The following TALDO1 variants were observed in gnomAD, a reference collection of about 807,000 sequenced individuals.
The protein encoded by TALDO1 is transaldolase.
A neutral mutation model predicts 38.1 loss-of-function variants in TALDO1; 29 were observed. That is an observed-to-expected ratio of 0.76 (90% CI 0.57 to 1.04). The LOEUF is 1.04. Ranked by LOEUF, TALDO1 falls within the 50% of genes least tolerant of loss-of-function variation. The pLI is 0.00. For missense variants in TALDO1, 499 were observed against 438.1 expected, an observed-to-expected ratio of 1.14 and a Z score of -1.24; for synonymous variants, 207 against 176.8, an observed-to-expected ratio of 1.17 and a Z score of -1.36.
intron 4 of TALDO1, among the ~76,000 whole-genome samples, chr11:762,416 T>C (rs1347562944): frequency 6.6e-6 from 1 of 151,796 alleles, no homozygotes; most frequent in East Asian, 1.9e-4. Flanking sequence ...TGATGTATGC[T>C]GCTGCTCTGA....
intron 4 of TALDO1, among the ~76,000 whole-genome samples, chr11:761,440 C>T (rs1862922772): frequency 1.3e-5 from 2 of 151,812 alleles, no homozygotes; most frequent in African/African-American, 4.8e-5. Context: ...AGTTGAGGTT[C>T]CAGTAGCTAT....
At chr11:751,396 C>T (rs762226423) in intron 1 of TALDO1, among the ~76,000 whole-genome samples, 2 of 152,104 alleles carry the variant, frequency 1.3e-5, no homozygotes, top group African/African-American at 4.8e-5. Context: ...GGGCCAGCCT[C>T]GGTGGCTCAT....
intron 1 of TALDO1, among the ~76,000 whole-genome samples, chr11:752,756 A>G (rs891803404): frequency 6.6e-6 from 1 of 152,146 alleles, no homozygotes; most frequent in Non-Finnish European, 1.5e-5. Context: ...CATGTAAGTG[A>G]GTGTTTCCCT....
At chr11:756,123 C>G (rs1703936479) in intron 2 of TALDO1, 121 bp downstream of exon 2, 2 of 1,405,588 alleles carry the variant, frequency 1.4e-6, no homozygotes, top group Non-Finnish European at 1.9e-6. Context: ...GGAAAAAAAC[C>G]CTATCTTTTT....
At chr11:755,588 C>T (rs777901388) in intron 1 of TALDO1, among the ~76,000 whole-genome samples, 4 of 152,156 alleles carry the variant, frequency 2.6e-5, no homozygotes, top group Non-Finnish European at 5.9e-5. Flanking sequence ...CTTTGACCAG[C>T]GTTCTCCCAG....
In TALDO1 at chr11:749,036, T is replaced by C. The variant is rs181382219; in HGVS notation, c.97+1458T>C. 7.2e-4 allele frequency among the ~76,000 whole-genome samples: 109 copies of C among 152,228 alleles called. No individual in the cohort carries two copies. In the Middle Eastern group the frequency reaches 0.017, roughly 24 times the overall value. On this transcript the variant is annotated intron_variant, in intron 1 of 7. Coordinates refer to ENST00000319006, the MANE Select transcript of TALDO1 (RefSeq NM_006755.2). ...CTTGGCAGTGCAGGGCCAATAAAGA[T>C]GGATTTTCCTAAACCCACACCCACA...
At chr11:755,014 C>G (rs893371478) in intron 1 of TALDO1, among the ~76,000 whole-genome samples, 1 of 152,146 alleles carries the variant, frequency 6.6e-6, no homozygotes. Flanking sequence ...AAAGTTGCAG[C>G]AGTGCGGTTC....
chr11:748,921 TGCCTGGTGGACAGAGC>T (rs1366775860), intron 1 of TALDO1, among the ~76,000 whole-genome samples: 1 of 152,234 alleles, frequency 6.6e-6, no homozygotes, highest in African/African-American at 2.4e-5. Flanking sequence ...ATTTGCAGTT[TGCCTGGTGGACAGAGC>T]GCTCATCTGT....
intron 7 of TALDO1, 128 bp downstream of exon 7, chr11:764,561 C>G: frequency 6.8e-7 from 1 of 1,478,424 alleles, no homozygotes. Flanking sequence ...TGCTGTCCAG[C>G]AAGTGGGGCC....
At chr11:749,081 G>C (rs1862706875) in intron 1 of TALDO1, among the ~76,000 whole-genome samples, 1 of 152,106 alleles carries the variant, frequency 6.6e-6, no homozygotes, top group Admixed American at 6.6e-5. Flanking sequence ...GGGAGTCCTG[G>C]GTTTCTGGTT....
chr11:761,335 C>CA (rs71022968), intron 4 of TALDO1, among the ~76,000 whole-genome samples: 21,104 of 81,732 alleles, frequency 0.26, 2,270 homozygotes, highest in African/African-American at 0.39. Context: ...GACTCCATCT[C>CA]AAAAAAAAAA....
intron 4 of TALDO1, among the ~76,000 whole-genome samples, chr11:762,993 C>T (rs1399917077): frequency 1.3e-5 from 2 of 152,276 alleles, no homozygotes; most frequent in East Asian, 3.9e-4. Context: ...GAGGGCCTCC[C>T]TTGCCTTTGT....
At chr11:763,725 T>G in intron 5 of TALDO1, 22 bp from the exon 6 acceptor site, 1 of 1,613,562 alleles carries the variant, frequency 6.2e-7, no homozygotes. Context: ...GCCTTCCTGG[T>G]CACAGCTTGG....
At chr11:754,236 T>C (rs1862796642) in intron 1 of TALDO1, among the ~76,000 whole-genome samples, 1 of 151,852 alleles carries the variant, frequency 6.6e-6, no homozygotes, top group South Asian at 2.1e-4. Flanking sequence ...CCACCCCCGT[T>C]GGCCTCCCAA....
At chr11:747,822 T>C (rs904870986) in intron 1 of TALDO1, among the ~76,000 whole-genome samples, 1 of 150,238 alleles carries the variant, frequency 6.7e-6, no homozygotes, top group Non-Finnish European at 1.5e-5. Flanking sequence ...GGGGCCCGGG[T>C]CGGCCGTGAG....
chr11:764,525 T>C (rs2133583915), intron 7 of TALDO1, 92 bp downstream of exon 7: 2 of 1,552,660 alleles, frequency 1.3e-6, no homozygotes, highest in South Asian at 1.2e-5. Flanking sequence ...GTTAAAACTT[T>C]GGTGAGACCC....
At chr11:755,509 G>A (rs570280119) in intron 1 of TALDO1, among the ~76,000 whole-genome samples, 1 of 152,262 alleles carries the variant, frequency 6.6e-6, no homozygotes, top group Admixed American at 6.5e-5. Context: ...TAAGATCAGC[G>A]TTCACATGTG....
At position 763,307 on chromosome 11, in the gene TALDO1, CT is replaced by C. The variant is rs1468407357; in HGVS notation, c.462-36del. On this transcript the variant is annotated intron_variant, in intron 4 of 7. Transcript: ENST00000319006. ...GCCCCCGCCCTCACCTGTCCCCGCC[CT>C]CACCTGCCCCGCCCTCACCTGTCCC... is the stretch of plus-strand genomic sequence containing the variant. 3 of 756,904 alleles carry C rather than the reference CT, an allele frequency of 4.0e-6. 1 individual carries two copies. Among genetic ancestry groups the C allele is most frequent in the South Asian group, 3.5e-5 (2 of 57,448 alleles). The allele number at this position is 756,904 out of a possible 1,614,324, so 46.9% of individuals were successfully genotyped here. A position where few individuals can be genotyped will look rare whatever the true frequency, so the allele number is the denominator to read the frequency against.
intron 1 of TALDO1, among the ~76,000 whole-genome samples, chr11:755,201 G>C (rs1428953462): frequency 7.6e-6 from 1 of 132,088 alleles, no homozygotes; most frequent in African/African-American, 2.9e-5. Flanking sequence ...CTGGAGTGCA[G>C]TGGCGCGATC....
Sources: allele counts gnomAD v4.1 joint callset (sites outside exome capture counted in the v4.1 genomes callset), GRCh38; gene constraint gnomAD v4.1.1; transcripts MANE v1.5; gene names NCBI Gene and HGNC (gene_info 2026-07-23, HGNC 2026-07-21).